The following PITPNC1 variants were observed in gnomAD, a reference collection of about 807,000 sequenced individuals.
PITPNC1 encodes the protein phosphatidylinositol transfer protein cytoplasmic 1.
PITPNC1 carries 18 observed loss-of-function variants against 44.7 expected under a neutral mutation model. That is an observed-to-expected ratio of 0.40 (90% confidence interval 0.28 to 0.60). The LOEUF (loss-of-function observed/expected upper bound fraction) is 0.60, where lower values mean the gene tolerates loss of function less well. Ranked by LOEUF, PITPNC1 falls within the 20% of genes least tolerant of loss-of-function variation. The pLI is 0.39. For missense variants in PITPNC1, 290 were observed against 418.4 expected (o/e 0.69, Z 2.68); for synonymous variants, 141 against 149.6 (o/e 0.94, Z 0.42).
intron 1 of PITPNC1, among the ~76,000 whole-genome samples, chr17:67,393,643 TATC>T (rs1286338450): frequency 6.6e-6 from 1 of 152,180 alleles, no homozygotes; most frequent in African/African-American, 2.4e-5. Flanking sequence ...AATATTACTG[TATC>T]ATCATTTAAC....
intron 1 of PITPNC1, among the ~76,000 whole-genome samples, chr17:67,490,471 C>T (rs921138877): frequency 1.3e-5 from 2 of 151,862 alleles, no homozygotes; most frequent in Non-Finnish European, 2.9e-5. Context: ...TGACATACCA[C>T]GACTCTGAAT....
chr17:67,674,370 G>T (rs1451627987), intron 7 of PITPNC1, among the ~76,000 whole-genome samples: 1 of 151,992 alleles, frequency 6.6e-6, no homozygotes, highest in Non-Finnish European at 1.5e-5. Flanking sequence ...CAGGCATGGT[G>T]GTGCGCACCT....
chr17:67,513,209 C>T (rs2040210285), intron 1 of PITPNC1, among the ~76,000 whole-genome samples: 1 of 151,784 alleles, frequency 6.6e-6, no homozygotes, highest in South Asian at 2.1e-4. Flanking sequence ...ACTAAAAATA[C>T]AAAAATTAGC....
At chr17:67,640,488 T>G (rs550184237) in intron 6 of PITPNC1, among the ~76,000 whole-genome samples, 10 of 139,568 alleles carry the variant, frequency 7.2e-5, no homozygotes, top group Non-Finnish European at 1.2e-4. Flanking sequence ...GAGACCAGCC[T>G]GGCCAACATG....
At chr17:67,425,193 G>GCGCGCGCACACACACACACACA (rs1160522771) in intron 1 of PITPNC1, among the ~76,000 whole-genome samples, 1 of 52,118 alleles carries the variant, frequency 1.9e-5, no homozygotes, top group Non-Finnish European at 3.6e-5. Context: ...TTGTGCGCGC[G>GCGCGCGCACACACACACACACA]CACGCACACG....
At chr17:67,490,032 C>T (rs1266281535) in intron 1 of PITPNC1, among the ~76,000 whole-genome samples, 1 of 152,168 alleles carries the variant, frequency 6.6e-6, no homozygotes, top group African/African-American at 2.4e-5. Flanking sequence ...CCACCACACC[C>T]AGCCAGGTTA....
chr17:67,684,347 A>G (rs2042774784), intron 8 of PITPNC1, among the ~76,000 whole-genome samples: 1 of 152,030 alleles, frequency 6.6e-6, no homozygotes, highest in South Asian at 2.1e-4. Flanking sequence ...TCCTGGCCTC[A>G]GGTGATCCGC....
At chr17:67,637,289 T>C (rs1444393209) in intron 6 of PITPNC1, among the ~76,000 whole-genome samples, 1 of 148,606 alleles carries the variant, frequency 6.7e-6, no homozygotes, top group Non-Finnish European at 1.5e-5. Context: ...CAGAGTTCCT[T>C]TTTTTTTTTA....
At chr17:67,638,970 T>C (rs980687842) in intron 6 of PITPNC1, 48 of 151,680 alleles carry the variant, frequency 3.2e-4, no homozygotes, top group African/African-American at 1.1e-3. Flanking sequence ...AAAATAAAAA[T>C]AAATTCTCTG....
chr17:67,684,348 G>A (rs1696755806), intron 8 of PITPNC1, among the ~76,000 whole-genome samples: 1 of 151,908 alleles, frequency 6.6e-6, no homozygotes, highest in African/African-American at 2.4e-5. Flanking sequence ...CCTGGCCTCA[G>A]GTGATCCGCC....
intron 1 of PITPNC1, among the ~76,000 whole-genome samples, chr17:67,397,848 CT>C (rs2038242401): frequency 6.6e-6 from 1 of 152,190 alleles, no homozygotes; most frequent in Non-Finnish European, 1.5e-5. Flanking sequence ...AATCCCAGCA[CT>C]TTGGGAGGCC....
chr17:67,423,064 C>T (rs748762954), intron 1 of PITPNC1, among the ~76,000 whole-genome samples: 2 of 151,760 alleles, frequency 1.3e-5, no homozygotes, highest in Non-Finnish European at 2.9e-5. Flanking sequence ...GGCTCAACTG[C>T]TAACTGTTTT....
At chr17:67,400,905 A>G (rs1036515049) in intron 1 of PITPNC1, among the ~76,000 whole-genome samples, 19 of 151,754 alleles carry the variant, frequency 1.3e-4, no homozygotes, top group African/African-American at 4.1e-4. Flanking sequence ...TCACCTGCCA[A>G]TTATGATTGT....
At position 67,387,807 on chromosome 17, in the gene PITPNC1, C is replaced by T. The variant is rs930426406; in HGVS notation, c.48+9605C>T. Among the ~76,000 whole-genome samples the T allele has an allele frequency of 2.6e-5, 4 of 152,162 alleles. 1 individual carries two copies. Among genetic ancestry groups the T allele is most frequent in the South Asian group, 4.1e-4 (2 of 4,834 alleles). ...TTTTGTTTAATTGTTTGTTGTCTAT[C>T]GCCATCATTATCTTTTCAACATGTA... On this transcript the variant is annotated intron_variant, in intron 1 of 8. Coordinates refer to ENST00000581322, the MANE Select transcript of PITPNC1 (RefSeq NM_012417.4).
intron 6 of PITPNC1, among the ~76,000 whole-genome samples, chr17:67,657,579 C>T (rs748988431): frequency 3.3e-5 from 5 of 150,814 alleles, no homozygotes; most frequent in African/African-American, 5.0e-5. Flanking sequence ...TTATTTTTCT[C>T]AGGCCCCGGT....
chr17:67,669,418 A>G (rs72839427), intron 6 of PITPNC1, 90 bp from the exon 7 acceptor site: 140,716 of 968,006 alleles, frequency 0.15, 10,540 homozygotes, highest in East Asian at 0.22. Context: ...ACCCAGCCCT[A>G]TTTCTATGTT....
intron 5 of PITPNC1, among the ~76,000 whole-genome samples, chr17:67,608,665 A>AAT (rs2041647100): frequency 8.2e-6 from 1 of 122,260 alleles, no homozygotes; most frequent in African/African-American, 3.3e-5. Context: ...TAGTTTTTCT[A>AAT]GTTTTTTTTT....
At chr17:67,504,485 C>T (rs1468810446) in intron 1 of PITPNC1, among the ~76,000 whole-genome samples, 2 of 152,170 alleles carry the variant, frequency 1.3e-5, no homozygotes, top group Non-Finnish European at 2.9e-5. Flanking sequence ...AACAAGTTTT[C>T]AACCTTCTGC....
chr17:67,631,655 A>ATATATATAT lies in PITPNC1; in HGVS notation c.367-488_367-487insTATATATAT, dbSNP rs57804710. On this transcript the variant is annotated intron_variant, in intron 5 of 8. Transcript: ENST00000581322. Reference sequence around the variant, plus strand: ...AAAACCAAAAAAAAAAAAAAAAAAAAAAATATATATATATATAAAATATAT... The same window carrying ATATATATAT: ...AAAACCAAAAAAAAAAAAAAAAAAAATATATATATAAATATATATATATATAAAATATAT... Among the ~76,000 whole-genome samples the ATATATATAT allele has an allele frequency of 2.5e-3, 21 of 8,294 alleles. 1 individual carries two copies. The highest frequency in any genetic ancestry group is 7.5e-3 in the South Asian group (1 of 134). The allele number at this position is 8,294 out of a possible 152,430, so 5.4% of individuals were successfully genotyped here.
Sources: gnomAD v4.1 joint callset for allele counts (sites outside exome capture counted in the v4.1 genomes callset) on GRCh38, gnomAD v4.1.1 for gene constraint, MANE v1.5 for transcripts, NCBI Gene and HGNC (gene_info 2026-07-23, HGNC 2026-07-21) for gene names.